The following AQP3 variants were observed in gnomAD, a reference collection of about 807,000 sequenced individuals.
AQP3 encodes the protein aquaporin-3.
AQP3 carries 15 observed loss-of-function variants against 30.3 expected under a neutral mutation model. The observed-to-expected ratio is 0.49, with a 90% CI of 0.33 to 0.76. AQP3 has a LOEUF of 0.76. Ranked by LOEUF, AQP3 falls within the 30% of genes least tolerant of loss-of-function variation. The pLI, the probability that AQP3 is intolerant of heterozygous loss-of-function variation, is 0.02. For synonymous variants in AQP3, 153 were observed against 163.2 expected, an observed-to-expected ratio of 0.94 and a Z score of 0.47; for missense variants, 272 against 384.8, an observed-to-expected ratio of 0.71 and a Z score of 2.45.
chr9:33,443,568 G>T lies in AQP3; in HGVS notation c.236-110C>A. ...GGTTTCTTGCACAGGATGGCGGTTGGTCTATGTAACAGGTCAGCTGATAAT... is the reference window on the plus strand; with the variant it reads ...GGTTTCTTGCACAGGATGGCGGTTGTTCTATGTAACAGGTCAGCTGATAAT... On this transcript the variant is annotated intron_variant, in intron 2 of 5. Coordinates refer to ENST00000297991, the MANE Select transcript of AQP3 (RefSeq NM_004925.5). The surrounding 1 kb of genome is among the most constrained non-coding windows in gnomAD (Gnocchi z 5.0). The T allele has an allele frequency of 6.7e-7, 1 of 1,489,068 alleles. No homozygotes were observed. Among genetic ancestry groups the T allele is most frequent in the Non-Finnish European group, 9.1e-7 (1 of 1,093,986 alleles). The allele number at this position is 1,489,068 out of a possible 1,614,324, so 92.2% of individuals were successfully genotyped here.
In AQP3 at chr9:33,443,211, G is replaced by T; in HGVS notation, c.373+110C>A. ...CTGTGCGTGAATGAGTGAGTCATGA[G>T]CCCGGGGCCTGGGCAGGTCCTAGCC... On this transcript the variant is annotated intron_variant, in intron 3 of 5. Coordinates refer to ENST00000297991, the MANE Select transcript of AQP3 (RefSeq NM_004925.5). The surrounding 1 kb of genome is among the most constrained non-coding windows in gnomAD (Gnocchi z 5.0). The T allele has an allele frequency of 6.8e-7, 1 of 1,462,346 alleles. No homozygotes were observed. The allele number at this position is 1,462,346 out of a possible 1,614,324, so 90.6% of individuals were successfully genotyped here.
At position 33,441,693 on chromosome 9, in the gene AQP3, A is replaced by T; in HGVS notation, c.*350T>A. 1 of 404,232 alleles carries T rather than the reference A, an allele frequency of 2.5e-6. No homozygotes were observed. The allele number at this position is 404,232 out of a possible 1,614,324, so 25.0% of individuals were successfully genotyped here. Reference sequence around the variant, plus strand: ...CCCTTCCGACTGGTCCCTTGCCCTGAATATCTGGGAACCCCCCCCACACAC... The same window carrying T: ...CCCTTCCGACTGGTCCCTTGCCCTGTATATCTGGGAACCCCCCCCACACAC... On this transcript the variant is annotated 3_prime_UTR_variant, in exon 6 of 6. Transcript: ENST00000297991.
rs1296906912 is a variant in AQP3, at chr9:33,442,122, C to A, written c.800G>T (p.Cys267Phe). 6.2e-7 allele frequency: 1 copy of A among 1,613,502 alleles called. No individual in the cohort carries two copies. Among genetic ancestry groups the A allele is most frequent in the African/African-American group, 1.3e-5 (1 of 74,908 alleles). Residue 267 changes from cysteine (C) to phenylalanine (F), a missense_variant, in exon 6 of 6, where the codon TGC (cysteine) becomes TTC (phenylalanine). Physicochemically the swap from Cys to Phe is radical, Grantham distance 205 (BLOSUM62 -2). Around this residue, in one of 3 missense-constraint regions of AQP3, gnomAD observed 51 missense variants for 51.8 expected, o/e 0.98. Coordinates refer to ENST00000297991, the MANE Select transcript of AQP3 (RefSeq NM_004925.5). ...GVFVYQLMIG[C>F]HLEQPPPSNE... ...GGAGGGTGGGGGCTGCTCCAGGTGG[C>A]AGCCGATCATCAGCTGGTACACGAA...
rs181592291 is a variant in AQP3, at chr9:33,442,619, G to A, written c.493-101C>T. 218 of 1,262,456 alleles carry A rather than the reference G, an allele frequency of 1.7e-4. 1 individual carries two copies. Among genetic ancestry groups the A allele is most frequent in the Admixed American group, 1.2e-3 (62 of 52,830 alleles). 78.2% of individuals were successfully genotyped at this position (1,262,456 alleles called of 1,614,324 possible). A position where few individuals can be genotyped will look rare whatever the true frequency, so the allele number is the denominator to read the frequency against. On this transcript the variant is annotated intron_variant, in intron 4 of 5. Transcript: ENST00000297991. ...CTCTAGCTCTTAAACTCTTGTCAGC[G>A]CCCGCCCATGCTCTTCTCCTGAAAG...
In AQP3 at chr9:33,442,048, TCTG is replaced by T; in HGVS notation, c.871_873del (p.Gln291del). 1 of 1,613,626 alleles carries T rather than the reference TCTG, an allele frequency of 6.2e-7. No homozygotes were observed. The highest frequency in any genetic ancestry group is 8.5e-7 in the Non-Finnish European group (1 of 1,179,918). ...GGGAGATGGCCCCTGCCCACTCAGATCTGCTCCTTGTGCTTCACATGGGCCAGC... is the reference window on the plus strand; with the variant it reads ...GGGAGATGGCCCCTGCCCACTCAGATCTCCTTGTGCTTCACATGGGCCAGC... On this transcript the variant is annotated inframe_deletion, in exon 6 of 6. Transcript: ENST00000297991.
Position 33,444,002 on chromosome 9 carries a change from G to A in AQP3, c.109-110C>T, listed in dbSNP as rs2227285. On this transcript the variant is annotated intron_variant, in intron 1 of 5. Transcript: ENST00000297991. ...CTCGCCACCACTGGGAGGACTAGAG[G>A]CGCTTCCTGGAACCCAGCCCAAACC... 5.0e-6 allele frequency: 7 copies of A among 1,411,364 alleles called. No homozygotes were observed. The East Asian group carries it at 1.7e-4, about 34-fold the overall frequency. The allele number at this position is 1,411,364 out of a possible 1,614,324, so 87.4% of individuals were successfully genotyped here. A position where few individuals can be genotyped will look rare whatever the true frequency, so the allele number is the denominator to read the frequency against.
intron 1 of AQP3, among the ~76,000 whole-genome samples, chr9:33,445,097 G>A (rs1452368250): frequency 6.6e-6 from 1 of 152,058 alleles, no homozygotes; most frequent in Non-Finnish European, 1.5e-5. Context: ...AGGAGTTTGA[G>A]AACAGCCTGG....
intron 1 of AQP3, among the ~76,000 whole-genome samples, chr9:33,447,157 C>T (rs1826924892): frequency 6.6e-6 from 1 of 152,206 alleles, no homozygotes; most frequent in Non-Finnish European, 1.5e-5. Context: ...TTGGCTGAGT[C>T]ACTTGTGGGA....
intron 1 of AQP3, among the ~76,000 whole-genome samples, chr9:33,444,937 C>T (rs906365546): frequency 5.9e-5 from 9 of 152,104 alleles, no homozygotes; most frequent in African/African-American, 1.4e-4. Context: ...ATGGGGAGAT[C>T]GGTTCTAAAC....
chr9:33,443,747 G>GGCA lies in AQP3; in HGVS notation c.235+16_235+18dup. On this transcript the variant is annotated intron_variant, in intron 2 of 5. Coordinates refer to ENST00000297991, the MANE Select transcript of AQP3 (RefSeq NM_004925.5). This position sits in a 1 kb window ranked among gnomAD's most constrained non-coding sequence, Gnocchi z 5.0. ...ATGCTATTGAGGGCCAAGGGCTGGG[G>GGCA]GCAGGGTTAAGGCCTTACCAGAGAC... 1 of 1,613,810 alleles carries GGCA rather than the reference G, an allele frequency of 6.2e-7. No homozygotes were observed. Among genetic ancestry groups the GGCA allele is most frequent in the Non-Finnish European group, 8.5e-7 (1 of 1,179,968 alleles).
Position 33,443,095 on chromosome 9 carries a change from G to A in AQP3, c.374-125C>T. The A allele has an allele frequency of 1.8e-6, 2 of 1,106,352 alleles. No homozygotes were observed. The highest frequency in any genetic ancestry group is 2.7e-6 in the Non-Finnish European group (2 of 736,718). 68.5% of individuals were successfully genotyped at this position (1,106,352 alleles called of 1,614,324 possible). On this transcript the variant is annotated intron_variant, in intron 3 of 5. Coordinates refer to ENST00000297991, the MANE Select transcript of AQP3 (RefSeq NM_004925.5). The surrounding 1 kb of genome is among the most constrained non-coding windows in gnomAD (Gnocchi z 5.0). ...GTAGCAATACTGCTGTATTGCAGCA[G>A]GCAGAGGGGGTGGCGTGGGGTGGGG...
Position 33,443,550 on chromosome 9 carries a change from T to TG in AQP3, c.236-93dup. ...AGAAGGGGTGCAGAGAGGGGTTTCT[T>TG]GCACAGGATGGCGGTTGGTCTATGT... is the stretch of plus-strand genomic sequence containing the variant. On this transcript the variant is annotated intron_variant, in intron 2 of 5. Coordinates refer to ENST00000297991, the MANE Select transcript of AQP3 (RefSeq NM_004925.5). The surrounding 1 kb of genome is among the most constrained non-coding windows in gnomAD (Gnocchi z 5.0). 1 of 1,525,474 alleles carries TG rather than the reference T, an allele frequency of 6.6e-7. No individual in the cohort carries two copies. The highest frequency in any genetic ancestry group is 8.9e-7 in the Non-Finnish European group (1 of 1,122,686). The allele number at this position is 1,525,474 out of a possible 1,614,324, so 94.5% of individuals were successfully genotyped here.
At chr9:33,447,394 G>A (rs976239425) in intron 1 of AQP3, 29 bp downstream of exon 1, 1 of 1,546,312 alleles carries the variant, frequency 6.5e-7, no homozygotes, top group Admixed American at 1.9e-5. Context: ...GCTGGAGAGA[G>A]AAGGGCTTCC....
Position 33,443,421 on chromosome 9 carries a change from G to A in AQP3, c.273C>T (p.Cys91=). 1.2e-6 allele frequency: 2 copies of A among 1,611,656 alleles called. No individual in the cohort carries two copies. The highest frequency in any genetic ancestry group is 1.7e-6 in the Non-Finnish European group (2 of 1,179,082). ...TGATCCAGGGCTCACGAGCCAGGAAGCACATGGCAAAGGTCACGGCAGGGT... is the reference window on the plus strand; with the variant it reads ...TGATCCAGGGCTCACGAGCCAGGAAACACATGGCAAAGGTCACGGCAGGGT... ...HLNPAVTFAM[C]FLAREPWIKL... is the part of the protein sequence containing the mutation. The change falls in exon 3 of 6, where the codon TGC becomes TGT. Residue 91 remains cysteine, a synonymous_variant. Coordinates refer to ENST00000297991, the MANE Select transcript of AQP3 (RefSeq NM_004925.5). This position sits in a 1 kb window ranked among gnomAD's most constrained non-coding sequence, Gnocchi z 5.0.
Position 33,447,521 on chromosome 9 carries a change from G to A in AQP3, c.10C>T (p.Gln4Ter). The A allele has an allele frequency of 6.2e-7, 1 of 1,605,614 alleles. No individual in the cohort carries two copies. The highest frequency in any genetic ancestry group is 1.1e-5 in the South Asian group (1 of 89,586). Residue 4 changes from glutamine (Q) to a stop codon, truncating the protein, a stop_gained, in exon 1 of 6, where the codon CAG (glutamine) becomes TAG (stop). Coordinates refer to ENST00000297991, the MANE Select transcript of AQP3 (RefSeq NM_004925.5). LOFTEE classifies it high-confidence loss of function. ...CCGCAGCGGGACACCAGCTCCTTCT[G>A]TCGACCCATGGCGGGGCAGGCGGCG... MGR[Q>*]KELVSRCGEM... is the part of the protein sequence containing the mutation.
chr9:33,443,534 G>C lies in AQP3; in HGVS notation c.236-76C>G. 1 of 1,551,752 alleles carries C rather than the reference G, an allele frequency of 6.4e-7. No individual in the cohort carries two copies. The highest frequency in any genetic ancestry group is 8.8e-7 in the Non-Finnish European group (1 of 1,141,600). On this transcript the variant is annotated intron_variant, in intron 2 of 5. Transcript: ENST00000297991. The surrounding 1 kb of genome is among the most constrained non-coding windows in gnomAD (Gnocchi z 5.0). ...AGGCTAGGGTCCCCTGAGAAGGGGTGCAGAGAGGGGTTTCTTGCACAGGAT... is the reference window on the plus strand; with the variant it reads ...AGGCTAGGGTCCCCTGAGAAGGGGTCCAGAGAGGGGTTTCTTGCACAGGAT...
At chr9:33,446,946 T>C (rs1826922192) in intron 1 of AQP3, among the ~76,000 whole-genome samples, 1 of 152,174 alleles carries the variant, frequency 6.6e-6, no homozygotes, top group African/African-American at 2.4e-5. Flanking sequence ...CCTCACTCAC[T>C]TCAACCTTTG....
chr9:33,441,711 CCACA>C lies in AQP3; in HGVS notation c.*328_*331del. Reference sequence around the variant, plus strand: ...TGCCCTGAATATCTGGGAACCCCCCCCACACACACACACCCCTGCACACACATGC... The same window carrying C: ...TGCCCTGAATATCTGGGAACCCCCCCCACACACACCCCTGCACACACATGC... On this transcript the variant is annotated 3_prime_UTR_variant, in exon 6 of 6. Transcript: ENST00000297991. 2 of 418,414 alleles carry C rather than the reference CCACA, an allele frequency of 4.8e-6. No homozygotes were observed. Among genetic ancestry groups the C allele is most frequent in the Non-Finnish European group, 4.2e-6 (1 of 237,020 alleles). 25.9% of individuals were successfully genotyped at this position (418,414 alleles called of 1,614,324 possible).
At position 33,442,108 on chromosome 9, in the gene AQP3, G is replaced by A. The variant is rs749564614; in HGVS notation, c.814C>T (p.Pro272Ser). ...QLMIGCHLEQ[P>S]PPSNEEENVK... ...TTCTCTTCCTCGTTGGAGGGTGGGG[G>A]CTGCTCCAGGTGGCAGCCGATCATC... The change falls in exon 6 of 6, where the codon CCC (proline) becomes TCC (serine). Residue 272 changes from proline (P) to serine (S), a missense_variant. Physicochemically the swap from Pro to Ser is moderately conservative, Grantham distance 74 (BLOSUM62 -1). Transcript: ENST00000297991. 1.2e-6 allele frequency: 2 copies of A among 1,613,822 alleles called. No homozygotes were observed. Among genetic ancestry groups the A allele is most frequent in the East Asian group, 4.5e-5 (2 of 44,878 alleles).
Sources: gnomAD v4.1 joint callset for allele counts (sites outside exome capture counted in the v4.1 genomes callset) on GRCh38, gnomAD v4.1.1 for gene constraint, gnomAD v4.1.1 regional missense constraint, Gnocchi (gnomAD v3.1) non-coding constraint, MANE v1.5 for transcripts, NCBI Gene and HGNC (gene_info 2026-07-23, HGNC 2026-07-21) for gene names.